Variants in KLF12 observed in about 807,000 individuals in gnomAD.
KLF12 encodes Krueppel-like factor 12.
KLF12 carries 9 observed loss-of-function variants against 37.8 expected under a neutral mutation model. The observed-to-expected ratio is 0.24, with a 90% CI of 0.14 to 0.42. The LOEUF (loss-of-function observed/expected upper bound fraction) is 0.42, where lower values mean the gene tolerates loss of function less well. Among genes scored for constraint, KLF12 ranks in the 10% least tolerant of loss-of-function variants. The pLI is 1.00. For synonymous variants in KLF12, 208 were observed against 202.1 expected, an observed-to-expected ratio of 1.03 and a Z score of -0.25; for missense variants, 411 against 516.0, an observed-to-expected ratio of 0.80 and a Z score of 1.97.
chr13:74,077,232 C>T (rs1874618517), intron 1 of KLF12, among the ~76,000 whole-genome samples: 1 of 152,082 alleles, frequency 6.6e-6, no homozygotes, highest in Non-Finnish European at 1.5e-5. Context: ...CACTGCTTTC[C>T]CCAATGGTTG....
At chr13:74,128,611 AGTT>A (rs1253656635) in intron 1 of KLF12, among the ~76,000 whole-genome samples, 2 of 152,242 alleles carry the variant, frequency 1.3e-5, no homozygotes, top group Non-Finnish European at 2.9e-5. Context: ...CACTGAAATT[AGTT>A]GTGATTCAAG....
intron 5 of KLF12, chr13:73,812,896 G>A: frequency 2.9e-6 from 1 of 340,784 alleles, no homozygotes; most frequent in Admixed American, 4.6e-5. Context: ...GCAGAGTTCA[G>A]GAGAAGGGTG....
intron 1 of KLF12, among the ~76,000 whole-genome samples, chr13:74,127,599 A>C (rs3812849): frequency 0.4 from 61,605 of 152,126 alleles, 15,826 homozygotes; most frequent in African/African-American, 0.73. Flanking sequence ...TATTGAAGAG[A>C]TAGTTTGAGT....
chr13:74,241,962 T>A, the KLF12 span, among the ~76,000 whole-genome samples: 1 of 152,068 alleles, frequency 6.6e-6, no homozygotes, highest in Non-Finnish European at 1.5e-5. Context: ...CCATCTTGGC[T>A]CCTCCCCCCA....
chr13:73,839,709 G>A (rs192860103), intron 4 of KLF12, among the ~76,000 whole-genome samples: 2 of 152,216 alleles, frequency 1.3e-5, no homozygotes, highest in East Asian at 3.9e-4. Flanking sequence ...TTAATTGCAC[G>A]TTATTGCTTA....
chr13:73,768,260 T>C lies in KLF12; in HGVS notation c.807-3260A>G, dbSNP rs74095563. Among the ~76,000 whole-genome samples the C allele has an allele frequency of 3.7e-3, 564 of 152,288 alleles. 4 individuals are homozygous for C. The highest frequency in any genetic ancestry group is 0.012 in the African/African-American group (518 of 41,556). On this transcript the variant is annotated intron_variant, in intron 5 of 7. Transcript: ENST00000377669. ...CGAGGTTTAAATCAGTTAACAGCTA[T>C]AAAATCTTTAGAATGGTGCTCAGTA...
In KLF12 at chr13:73,832,065, C is replaced by T. The variant is rs180866020; in HGVS notation, c.670+13762G>A. ...CCAAGAGTTAAAATGCTTTGAAAGACGGAGGATCTTGAGTCCTTTCCTATA... is the reference window on the plus strand; with the variant it reads ...CCAAGAGTTAAAATGCTTTGAAAGATGGAGGATCTTGAGTCCTTTCCTATA... On this transcript the variant is annotated intron_variant, in intron 4 of 7. Transcript: ENST00000377669. Among the ~76,000 whole-genome samples the T allele has an allele frequency of 1.1e-4, 16 of 152,302 alleles. No individual in the cohort carries two copies. In the South Asian group the frequency reaches 1.9e-3, roughly 18 times the overall value.
At position 73,916,426 on chromosome 13, in the gene KLF12, C is replaced by G. The variant is rs138100679; in HGVS notation, c.123+27555G>C. On this transcript the variant is annotated intron_variant, in intron 3 of 7. Coordinates refer to ENST00000377669, the MANE Select transcript of KLF12 (RefSeq NM_007249.5). ...ACATCTAGTAAATATCTCTGCCTCA[C>G]TATAGCAGAGGAGCCACGAGGTTAT... 4.0e-3 allele frequency among the ~76,000 whole-genome samples: 603 copies of G among 152,206 alleles called. 10 individuals are homozygous for G. Among genetic ancestry groups the G allele is most frequent in the Non-Finnish European group, 2.5e-3 (173 of 68,010 alleles).
intron 5 of KLF12, among the ~76,000 whole-genome samples, chr13:73,795,580 T>C (rs921990327): frequency 4.6e-5 from 7 of 152,256 alleles, no homozygotes; most frequent in Admixed American, 6.5e-5. Context: ...AATGTTTATC[T>C]GCAATTTTGA....
intron 1 of KLF12, among the ~76,000 whole-genome samples, chr13:74,051,335 C>CAA (rs1360536041): frequency 4.4e-5 from 4 of 90,558 alleles, no homozygotes; most frequent in Non-Finnish European, 6.5e-5. Flanking sequence ...TATACATACA[C>CAA]ACACAAACAC....
chr13:73,687,771 A>G lies in KLF12; in HGVS notation c.*7719T>C, dbSNP rs1873581237. ...ATGAACCTGCTTTGGAAGAAGATGC[A>G]ATAATTCACACAAGGAGTCCATTCA... On this transcript the variant is annotated 3_prime_UTR_variant, in exon 8 of 8. Transcript: ENST00000377669. 1 of 152,198 alleles carries G rather than the reference A, an allele frequency of 6.6e-6. No homozygotes were observed. Among genetic ancestry groups the G allele is most frequent in the Non-Finnish European group, 1.5e-5 (1 of 68,048 alleles). The allele number at this position is 152,198 out of a possible 1,614,324, so 9.4% of individuals were successfully genotyped here. A position where few individuals can be genotyped will look rare whatever the true frequency, so the allele number is the denominator to read the frequency against.
chr13:74,064,544 A>C (rs1322327536), intron 1 of KLF12, among the ~76,000 whole-genome samples: 1 of 152,226 alleles, frequency 6.6e-6, no homozygotes, highest in African/African-American at 2.4e-5. Context: ...CAGAATTATA[A>C]TAACCAGGGA....
intron 5 of KLF12, among the ~76,000 whole-genome samples, chr13:73,785,093 G>A (rs547961333): frequency 4.7e-5 from 7 of 149,968 alleles, no homozygotes; most frequent in South Asian, 2.2e-4. Context: ...CTTTATTTTC[G>A]TTCAATAAAT....
At chr13:73,980,365 G>A (rs1374482552) in intron 2 of KLF12, among the ~76,000 whole-genome samples, 2 of 151,972 alleles carry the variant, frequency 1.3e-5, no homozygotes, top group East Asian at 3.9e-4. Context: ...TTCTAACATA[G>A]CTACCAAAAC....
At chr13:74,240,222 TG>T in the KLF12 span, among the ~76,000 whole-genome samples, 1 of 151,072 alleles carries the variant, frequency 6.6e-6, no homozygotes, top group Non-Finnish European at 1.5e-5. Flanking sequence ...TGGCTGGATA[TG>T]AAGTTCTGGG....
At chr13:74,037,819 A>G in intron 1 of KLF12, among the ~76,000 whole-genome samples, 1 of 152,216 alleles carries the variant, frequency 6.6e-6, no homozygotes, top group Non-Finnish European at 1.5e-5. Flanking sequence ...AATACAGATA[A>G]AATCACTGCT....
intron 1 of KLF12, among the ~76,000 whole-genome samples, chr13:74,109,326 A>G (rs1459283055): frequency 6.6e-6 from 1 of 152,030 alleles, no homozygotes; most frequent in Non-Finnish European, 1.5e-5. Context: ...TTTTTAAATA[A>G]GAGACCTAAC....
chr13:73,960,809 A>G (rs954956157), intron 2 of KLF12, among the ~76,000 whole-genome samples: 11 of 152,214 alleles, frequency 7.2e-5, no homozygotes, highest in Admixed American at 5.2e-4. Flanking sequence ...CTGTTAACTC[A>G]TCTGAGAATG....
At chr13:74,109,549 T>C (rs1300033513) in intron 1 of KLF12, among the ~76,000 whole-genome samples, 1 of 152,204 alleles carries the variant, frequency 6.6e-6, no homozygotes, top group Non-Finnish European at 1.5e-5. Context: ...CTTCCTCATG[T>C]ATTAGTTAAA....
Sources: allele counts gnomAD v4.1 joint callset (sites outside exome capture counted in the v4.1 genomes callset), GRCh38; gene constraint gnomAD v4.1.1; transcripts MANE v1.5; gene names NCBI Gene and HGNC (gene_info 2026-07-23, HGNC 2026-07-21).